The following PALM2AKAP2 variants were observed in gnomAD, a reference collection of about 807,000 sequenced individuals.
PALM2AKAP2 encodes PALM2-AKAP2 fusion protein.
A neutral mutation model predicts 71.5 loss-of-function variants in PALM2AKAP2; 37 were observed. The ratio of observed to expected loss-of-function variants is 0.52; its 90% CI spans 0.40 to 0.68. PALM2AKAP2 has a LOEUF of 0.68. Among genes scored for constraint, PALM2AKAP2 ranks in the 30% least tolerant of loss-of-function variants. PALM2AKAP2 has a pLI of 0.00. For missense variants in PALM2AKAP2, 1,224 were observed against 1,191.8 expected (o/e 1.03, Z -0.40); for synonymous variants, 468 against 478.8 (o/e 0.98, Z 0.29).
At chr9:109,652,076 C>T (rs1172340717) in intron 1 of PALM2AKAP2, among the ~76,000 whole-genome samples, 1 of 152,116 alleles carries the variant, frequency 6.6e-6, no homozygotes, top group Non-Finnish European at 1.5e-5. Context: ...ATCTTTTTCA[C>T]AGATAGTACA....
At chr9:109,773,298 G>A (rs531335244) in intron 1 of PALM2AKAP2, among the ~76,000 whole-genome samples, 1 of 152,158 alleles carries the variant, frequency 6.6e-6, no homozygotes, top group Non-Finnish European at 1.5e-5. Flanking sequence ...GCCACACCTG[G>A]CTAATTTAAA....
chr9:109,658,228 C>T lies in PALM2AKAP2; in HGVS notation c.5+17362C>T, dbSNP rs1010519687. Reference sequence around the variant, plus strand: ...AGGTTCAGGAGTTCAACTGGGGAATCGTTAGTCCATGGATGGTGTTTAAGG... The same window carrying T: ...AGGTTCAGGAGTTCAACTGGGGAATTGTTAGTCCATGGATGGTGTTTAAGG... On this transcript the variant is annotated intron_variant, in intron 1 of 6. Transcript: ENST00000374531. 7.2e-5 allele frequency among the ~76,000 whole-genome samples: 11 copies of T among 152,000 alleles called. No homozygotes were observed. The East Asian group carries it at 7.8e-4, about 11-fold the overall frequency.
intron 6 of PALM2AKAP2, among the ~76,000 whole-genome samples, chr9:109,970,056 C>G (rs190979607): frequency 6.6e-6 from 1 of 152,308 alleles, no homozygotes; most frequent in Admixed American, 6.5e-5. Context: ...TAGGGTCCCT[C>G]TGTTCTCAGG....
At chr9:110,018,797 G>GAGC (rs1481724841) in intron 7 of PALM2AKAP2, among the ~76,000 whole-genome samples, 5 of 152,122 alleles carry the variant, frequency 3.3e-5, no homozygotes, top group Non-Finnish European at 5.9e-5. Context: ...CCCAATTACG[G>GAGC]AGCAGTCATT....
At chr9:109,846,689 G>A (rs1426930482) in intron 1 of PALM2AKAP2, among the ~76,000 whole-genome samples, 2 of 152,206 alleles carry the variant, frequency 1.3e-5, no homozygotes, top group Non-Finnish European at 2.9e-5. Context: ...GGCTCAGATA[G>A]AATAACCAGA....
intron 7 of PALM2AKAP2, among the ~76,000 whole-genome samples, chr9:110,023,134 G>T (rs1380123077): frequency 1.3e-5 from 2 of 150,828 alleles, no homozygotes; most frequent in African/African-American, 4.9e-5. Flanking sequence ...TCTAGTTCTA[G>T]ATCCCTGAGG....
At chr9:109,907,203 A>G (rs1830464992) in intron 3 of PALM2AKAP2, among the ~76,000 whole-genome samples, 1 of 152,138 alleles carries the variant, frequency 6.6e-6, no homozygotes, top group Admixed American at 6.5e-5. Flanking sequence ...TTGCAATTTG[A>G]GCTCTACTGT....
chr9:109,940,214 C>G (rs1403216539), intron 6 of PALM2AKAP2, among the ~76,000 whole-genome samples: 1 of 152,162 alleles, frequency 6.6e-6, no homozygotes, highest in African/African-American at 2.4e-5. Flanking sequence ...GGGCAAGAAA[C>G]TAACCCTCAA....
chr9:110,138,328 G>C lies in PALM2AKAP2; in HGVS notation c.2358G>C (p.Leu786=), dbSNP rs150240514. 1.9e-6 allele frequency: 3 copies of C among 1,614,188 alleles called. No individual in the cohort carries two copies. The South Asian group carries it at 3.3e-5, about 18-fold the overall frequency. ...AGCTGAGAAGCACAGCCTCCCTCCT[G>C]GCCACTCAAGAATCTGACGTGATGG... is the stretch of plus-strand genomic sequence containing the variant. The change falls in exon 2 of 4, where the codon CTG becomes CTC. Residue 786 remains leucine, a synonymous_variant. Coordinates refer to ENST00000374525, the Ensembl canonical transcript of PALM2AKAP2.
chr9:110,004,153 C>T (rs1010116840), intron 6 of PALM2AKAP2, among the ~76,000 whole-genome samples: 9 of 152,126 alleles, frequency 5.9e-5, no homozygotes, highest in Admixed American at 1.3e-4. Flanking sequence ...GACATGTTTT[C>T]GCAGTGGCTG....
chr9:110,083,431 C>A (rs914788984), intron 1 of PALM2AKAP2, among the ~76,000 whole-genome samples: 3 of 152,144 alleles, frequency 2.0e-5, no homozygotes, highest in South Asian at 2.1e-4. Flanking sequence ...ATAAGGAGGC[C>A]TAGTCTGTTT....
At chr9:109,906,830 A>G (rs1388073931) in intron 3 of PALM2AKAP2, among the ~76,000 whole-genome samples, 1 of 152,222 alleles carries the variant, frequency 6.6e-6, no homozygotes, top group Non-Finnish European at 1.5e-5. Flanking sequence ...CAGACAAACA[A>G]GAAACTCAAA....
At chr9:109,866,133 A>G (rs1829442072) in intron 1 of PALM2AKAP2, among the ~76,000 whole-genome samples, 1 of 152,318 alleles carries the variant, frequency 6.6e-6, no homozygotes, top group African/African-American at 2.4e-5. Flanking sequence ...AGGTCTGGGC[A>G]TTGCACAGAA....
intron 1 of PALM2AKAP2, among the ~76,000 whole-genome samples, chr9:109,650,552 G>A (rs1056087323): frequency 1.3e-5 from 2 of 152,092 alleles, no homozygotes; most frequent in Non-Finnish European, 2.9e-5. Context: ...AAGTAGATGG[G>A]ACTATAGGCA....
At chr9:109,958,286 G>A (rs1831785204) in intron 6 of PALM2AKAP2, among the ~76,000 whole-genome samples, 1 of 152,188 alleles carries the variant, frequency 6.6e-6, no homozygotes, top group South Asian at 2.1e-4. Context: ...TTTGTAAAAT[G>A]TACCACATAA....
chr9:109,666,998 T>C (rs1827495322), intron 1 of PALM2AKAP2, among the ~76,000 whole-genome samples: 2 of 152,130 alleles, frequency 1.3e-5, no homozygotes, highest in Non-Finnish European at 2.9e-5. Context: ...AAGGAAGTGG[T>C]GAACATCAGT....
At chr9:109,886,476 A>G (rs902628173) in intron 3 of PALM2AKAP2, among the ~76,000 whole-genome samples, 7 of 152,204 alleles carry the variant, frequency 4.6e-5, no homozygotes, top group African/African-American at 1.7e-4. Context: ...AAATATGGGG[A>G]AAATTTATCT....
At chr9:109,785,534 T>G (rs1179488996) in intron 1 of PALM2AKAP2, among the ~76,000 whole-genome samples, 1 of 152,204 alleles carries the variant, frequency 6.6e-6, no homozygotes, top group African/African-American at 2.4e-5. Context: ...AGAGGTTTAA[T>G]GGACTTATAG....
intron 6 of PALM2AKAP2, among the ~76,000 whole-genome samples, chr9:109,936,179 AG>A (rs1831213899): frequency 6.6e-6 from 1 of 152,226 alleles, no homozygotes; most frequent in African/African-American, 2.4e-5. Context: ...TGATCAAAAA[AG>A]GGTAATGAGG....
Sources: gnomAD v4.1 joint callset for allele counts (sites outside exome capture counted in the v4.1 genomes callset) on GRCh38, gnomAD v4.1.1 for gene constraint, MANE v1.5 for transcripts, NCBI Gene and HGNC (gene_info 2026-07-23, HGNC 2026-07-21) for gene names.